The following ERLEC1 variants were observed in gnomAD, a reference collection of about 807,000 sequenced individuals.
ERLEC1 encodes ER lectin.
Under a neutral mutation model 68.0 loss-of-function variants are expected in ERLEC1, and 47 were observed. The observed-to-expected ratio is 0.69, with a 90% CI of 0.55 to 0.88. The LOEUF is 0.88. Among genes scored for constraint, ERLEC1 ranks in the 40% least tolerant of loss-of-function variants. ERLEC1 has a pLI of 0.00. For missense variants in ERLEC1, 567 were observed against 583.8 expected (o/e 0.97, Z 0.30); for synonymous variants, 225 against 203.2 (o/e 1.11, Z -0.91).
chr2:53,806,808 A>G (rs1469039002), intron 8 of ERLEC1, among the ~76,000 whole-genome samples: 2 of 152,220 alleles, frequency 1.3e-5, no homozygotes, highest in Non-Finnish European at 2.9e-5. Flanking sequence ...TAAATCATTC[A>G]TTCATTTATA....
At chr2:53,792,956 C>A (rs1449803329) in intron 1 of ERLEC1, among the ~76,000 whole-genome samples, 1 of 151,116 alleles carries the variant, frequency 6.6e-6, no homozygotes, top group African/African-American at 2.4e-5. Flanking sequence ...CTGCAGTGAG[C>A]TGTGATCATG....
chr2:53,812,130 T>A (rs1676623430), intron 10 of ERLEC1, among the ~76,000 whole-genome samples: 1 of 152,128 alleles, frequency 6.6e-6, no homozygotes, highest in African/African-American at 2.4e-5. Context: ...GTCAGGCCGG[T>A]CTCGAACTCC....
intron 12 of ERLEC1, 57 bp from the exon 13 acceptor site, chr2:53,814,803 A>T: frequency 7.6e-7 from 1 of 1,322,618 alleles, no homozygotes; most frequent in South Asian, 1.2e-5. Flanking sequence ...TACAGTTATT[A>T]ACAGTGATCT....
chr2:53,788,778 A>G (rs890267995), intron 1 of ERLEC1: 1 of 152,196 alleles, frequency 6.6e-6, no homozygotes, highest in Non-Finnish European at 1.5e-5. Flanking sequence ...TGAAATACCT[A>G]TGTAAAATTT....
chr2:53,813,064 A>T lies in ERLEC1; in HGVS notation c.1217A>T (p.Gln406Leu). ...TATCATCTTCAAGACGATGGTACCC[A>T]GACAGTCAGGTAAAGATTCACTTTA... The part of the protein sequence containing the change: ...RAYHLQDDGT[Q>L]TVRMVSHFYG... Residue 406 changes from glutamine (Q) to leucine (L), a missense_variant, in exon 11 of 14, where the codon CAG (glutamine) becomes CTG (leucine). Transcript: ENST00000185150. 1 of 1,610,078 alleles carries T rather than the reference A, an allele frequency of 6.2e-7. No homozygotes were observed. The highest frequency in any genetic ancestry group is 8.5e-7 in the Non-Finnish European group (1 of 1,179,276).
intron 1 of ERLEC1, among the ~76,000 whole-genome samples, chr2:53,791,447 G>C (rs1233436307): frequency 3.3e-5 from 5 of 152,116 alleles, no homozygotes; most frequent in African/African-American, 1.2e-4. Context: ...AGTAAAACCT[G>C]TTTTATACAA....
chr2:53,791,369 A>G (rs1433991720), intron 1 of ERLEC1, among the ~76,000 whole-genome samples: 4 of 152,240 alleles, frequency 2.6e-5, no homozygotes, highest in Non-Finnish European at 4.4e-5. Flanking sequence ...ATACCTTGTT[A>G]TGTAAAGTAA....
intron 11 of ERLEC1, 94 bp downstream of exon 11, chr2:53,813,167 A>T (rs1676683370): frequency 6.8e-7 from 1 of 1,465,612 alleles, no homozygotes; most frequent in East Asian, 2.4e-5. Context: ...ATTTAAGTAA[A>T]ATCCCTGTTT....
At chr2:53,792,198 T>A (rs895364141) in intron 1 of ERLEC1, among the ~76,000 whole-genome samples, 2 of 150,170 alleles carry the variant, frequency 1.3e-5, no homozygotes, top group African/African-American at 4.9e-5. Flanking sequence ...ATTACCGGCG[T>A]GAGCCACCGC....
intron 8 of ERLEC1, among the ~76,000 whole-genome samples, chr2:53,802,877 G>A (rs1020739851): frequency 3.3e-5 from 5 of 152,038 alleles, no homozygotes; most frequent in African/African-American, 1.2e-4. Context: ...GATTACAAGC[G>A]TGCACCACCT....
intron 6 of ERLEC1, among the ~76,000 whole-genome samples, chr2:53,800,538 T>C (rs1200263944): frequency 2.0e-5 from 3 of 152,078 alleles, no homozygotes; most frequent in African/African-American, 7.2e-5. Flanking sequence ...TCTCAAAACA[T>C]TTTTTCCTGA....
At position 53,814,554 on chromosome 2, in the gene ERLEC1, A is replaced by G. The variant is rs1416849609; in HGVS notation, c.1238A>G (p.His413Arg). 1.2e-6 allele frequency: 2 copies of G among 1,610,532 alleles called. No homozygotes were observed. Among genetic ancestry groups the G allele is most frequent in the South Asian group, 2.2e-5 (2 of 90,628 alleles). ...DGTQTVRMVS[H>R]FYGNGDICDI... The stretch of plus-strand genomic sequence containing the variant: ...TTTCTCTGATTCAGGATGGTGTCAC[A>G]TTTTTATGGAAATGGAGATATTTGT... The change falls in exon 12 of 14, where the codon CAT becomes CGT. Residue 413 changes from histidine (H) to arginine (R), a missense_variant. Physicochemically the swap from His to Arg is conservative, Grantham distance 29. Coordinates refer to ENST00000185150, the MANE Select transcript of ERLEC1 (RefSeq NM_015701.5).
chr2:53,804,841 A>G (rs572423677), intron 8 of ERLEC1, among the ~76,000 whole-genome samples: 1 of 151,050 alleles, frequency 6.6e-6, no homozygotes, highest in African/African-American at 2.4e-5. Flanking sequence ...CCATCCTTCT[A>G]CTCTCTATCT....
At chr2:53,811,582 A>G (rs1236207714) in intron 10 of ERLEC1, among the ~76,000 whole-genome samples, 1 of 152,228 alleles carries the variant, frequency 6.6e-6, no homozygotes, top group Non-Finnish European at 1.5e-5. Context: ...ACTGTATGCT[A>G]GGCACTATGT....
intron 6 of ERLEC1, among the ~76,000 whole-genome samples, chr2:53,799,985 AC>A: frequency 6.6e-6 from 1 of 152,126 alleles, no homozygotes; most frequent in Non-Finnish European, 1.5e-5. Context: ...AGGGAAGAAA[AC>A]TATTTTTTGA....
At chr2:53,811,679 G>T (rs1019400820) in intron 10 of ERLEC1, among the ~76,000 whole-genome samples, 15 of 152,138 alleles carry the variant, frequency 9.9e-5, no homozygotes, top group African/African-American at 7.2e-5. Context: ...AGAAACAAAG[G>T]TTCAATAACT....
intron 8 of ERLEC1, among the ~76,000 whole-genome samples, chr2:53,806,605 T>A (rs773807875): frequency 3.9e-5 from 6 of 152,194 alleles, no homozygotes; most frequent in Non-Finnish European, 7.3e-5. Context: ...ATCTTGACAG[T>A]CCTTGTTCTT....
intron 10 of ERLEC1, among the ~76,000 whole-genome samples, chr2:53,812,681 A>G (rs1220513763): frequency 6.6e-6 from 1 of 152,210 alleles, no homozygotes; most frequent in African/African-American, 2.4e-5. Context: ...ACTTACCTGT[A>G]GAAGAGAAAA....
intron 1 of ERLEC1, among the ~76,000 whole-genome samples, chr2:53,791,834 T>C (rs1003511473): frequency 6.6e-6 from 1 of 151,820 alleles, no homozygotes; most frequent in Non-Finnish European, 1.5e-5. Flanking sequence ...AAGAAATTCT[T>C]TATCATAAGT....
Sources: allele counts gnomAD v4.1 joint callset (sites outside exome capture counted in the v4.1 genomes callset), GRCh38; gene constraint gnomAD v4.1.1; transcripts MANE v1.5; gene names NCBI Gene and HGNC (gene_info 2026-07-23, HGNC 2026-07-21).